MAST4: variants seen among roughly 807,000 people sequenced by gnomAD.
MAST4 encodes microtubule-associated serine/threonine-protein kinase 4.
A neutral mutation model predicts 162.7 loss-of-function variants in MAST4; 89 were observed. The observed-to-expected ratio is 0.55, with a 90% confidence interval of 0.46 to 0.65. The LOEUF is 0.65. MAST4 is among the 30% of genes least tolerant of loss of function. The probability of loss-of-function intolerance (pLI) is 0.00; values close to 1 mark genes in which losing one functional copy is unlikely to be tolerated. For synonymous variants in MAST4, 1,479 were observed against 1,361.1 expected (o/e 1.09, Z -1.91); for missense variants, 3,153 against 3,374.0 (o/e 0.93, Z 1.62).
intron 4 of MAST4, chr5:66,959,283 G>C (rs1267038799): frequency 6.4e-6 from 5 of 779,614 alleles, no homozygotes; most frequent in Non-Finnish European, 1.2e-5. Context: ...AGATTCCGGG[G>C]CTGACCTTGG....
chr5:66,996,318 G>A (rs144134403), intron 4 of MAST4, among the ~76,000 whole-genome samples: 1 of 151,926 alleles, frequency 6.6e-6, no homozygotes, highest in East Asian at 1.9e-4. Context: ...GATTTCCATC[G>A]TTTTTATTCG....
intron 4 of MAST4, among the ~76,000 whole-genome samples, chr5:66,996,613 G>A (rs568709726): frequency 1.3e-5 from 2 of 152,288 alleles, no homozygotes; most frequent in East Asian, 3.9e-4. Context: ...GCGCTGAGGT[G>A]GAATCTGTTT....
At chr5:66,714,167 C>A (rs1159117729) in intron 1 of MAST4, among the ~76,000 whole-genome samples, 1 of 152,124 alleles carries the variant, frequency 6.6e-6, no homozygotes, top group Non-Finnish European at 1.5e-5. Context: ...GATGACTCAC[C>A]CAAGCTGCTG....
intron 3 of MAST4, among the ~76,000 whole-genome samples, chr5:66,895,310 A>G (rs748574309): frequency 7.2e-5 from 11 of 152,122 alleles, no homozygotes; most frequent in Non-Finnish European, 1.0e-4. Context: ...TGGCTTTGTA[A>G]CCAGGTGTAT....
At chr5:67,085,808 A>C (rs776777607) in intron 5 of MAST4, among the ~76,000 whole-genome samples, 1 of 152,184 alleles carries the variant, frequency 6.6e-6, no homozygotes, top group African/African-American at 2.4e-5. Flanking sequence ...TGTCTAAATG[A>C]AAGGGAGATT....
rs75496078 is a variant in MAST4, at chr5:66,972,101, A to G, written c.674+72119A>G. ...CTAGGCAATGTATGTGAAATGTTCC[A>G]AGAAGAGTGTTCTGTTTTGTTATTA... On this transcript the variant is annotated intron_variant, in intron 4 of 28. Transcript: ENST00000403625. 8.4e-3 allele frequency among the ~76,000 whole-genome samples: 1,273 copies of G among 152,348 alleles called. 16 individuals are homozygous for G. Among genetic ancestry groups the G allele is most frequent in the African/African-American group, 0.029 (1,214 of 41,578 alleles).
At chr5:66,762,531 A>C (rs1753900360) in intron 2 of MAST4, among the ~76,000 whole-genome samples, 1 of 152,162 alleles carries the variant, frequency 6.6e-6, no homozygotes, top group Non-Finnish European at 1.5e-5. Context: ...GGTGTTAGGC[A>C]CTGTGTTCAT....
chr5:66,919,973 C>CTTCT (rs1764421873), intron 4 of MAST4, among the ~76,000 whole-genome samples: 1 of 63,406 alleles, frequency 1.6e-5, no homozygotes, highest in South Asian at 7.2e-4. Context: ...TCCTTCCTTC[C>CTTCT]TTCTTTCTCT....
chr5:66,754,847 G>A (rs983565976), intron 1 of MAST4, among the ~76,000 whole-genome samples: 13 of 152,314 alleles, frequency 8.5e-5, no homozygotes, highest in African/African-American at 2.6e-4. Context: ...CCCAGGAAGA[G>A]TGACATTTGA....
rs1412861350 is a variant in MAST4, at chr5:66,753,417, GAAAA to G, written c.364-6288_364-6285del. On this transcript the variant is annotated intron_variant, in intron 1 of 28. Coordinates refer to ENST00000403625, the MANE Select transcript of MAST4 (RefSeq NM_001164664.2). ...ATAGACCGCTAGCAAGACTAATAAAGAAAAAAAGAGAGAAGAATCAAATAGACGC... is the reference window on the plus strand; with the variant it reads ...ATAGACCGCTAGCAAGACTAATAAAGAAAGAGAGAAGAATCAAATAGACGC... Among the ~76,000 whole-genome samples, 3 of 150,244 alleles carry G rather than the reference GAAAA, an allele frequency of 2.0e-5. No homozygotes were observed. In the East Asian group the frequency reaches 5.8e-4, roughly 29 times the overall value.
intron 19 of MAST4, 45 bp from the exon 20 acceptor site, chr5:67,142,070 G>A: frequency 4.4e-6 from 7 of 1,586,542 alleles, no homozygotes; most frequent in Non-Finnish European, 6.0e-6. Context: ...GCTTAGTGGG[G>A]ATAGTTTAAC....
At chr5:66,919,131 C>CACACACACACAG (rs1393753464) in intron 4 of MAST4, among the ~76,000 whole-genome samples, 3 of 149,560 alleles carry the variant, frequency 2.0e-5, no homozygotes, top group African/African-American at 7.4e-5. Flanking sequence ...CACACACACA[C>CACACACACACAG]ACACACAAAT....
intron 4 of MAST4, among the ~76,000 whole-genome samples, chr5:67,052,033 A>T (rs1377657785): frequency 6.6e-6 from 1 of 152,184 alleles, no homozygotes; most frequent in Non-Finnish European, 1.5e-5. Context: ...TGCTTTGATT[A>T]TTCATGGCAT....
chr5:67,038,839 C>T (rs1756365625), intron 4 of MAST4, among the ~76,000 whole-genome samples: 1 of 152,110 alleles, frequency 6.6e-6, no homozygotes, highest in African/African-American at 2.4e-5. Context: ...TGGTTTTGCT[C>T]CTTACCATAT....
At chr5:67,151,048 A>T (rs776324576) in intron 24 of MAST4, among the ~76,000 whole-genome samples, 9 of 152,186 alleles carry the variant, frequency 5.9e-5, no homozygotes, top group Non-Finnish European at 1.3e-4. Context: ...AACCGAGCTC[A>T]TGTTTAAACC....
rs368597285 is a variant in MAST4 at position 67,145,365 on chromosome 5, G to T, written c.3080G>T (p.Ser1027Ile). The change falls in exon 23 of 29, where the codon AGC becomes ATC. Residue 1027 changes from serine to isoleucine, a missense_variant. Physicochemically the swap from Ser to Ile is moderately radical, Grantham distance 142. This residue lies in a region of MAST4 where 619 missense variants were observed against 744.2 expected (regional missense o/e 0.83). Transcript: ENST00000403625. Reference protein sequence around the residue: ...EVTTPASTISSSTLSVGSFSE... With the variant: ...EVTTPASTISISTLSVGSFSE... ...ACCACCCCAGCCAGCACCATCAGCA[G>T]CTCCACCCTGTCAGGTAAGCCCCGG... 2 of 1,612,810 alleles carry T rather than the reference G, an allele frequency of 1.2e-6. No individual in the cohort carries two copies. The highest frequency in any genetic ancestry group is 1.7e-6 in the Non-Finnish European group (2 of 1,179,832).
intron 3 of MAST4, among the ~76,000 whole-genome samples, chr5:66,822,731 G>C (rs1757055783): frequency 6.6e-6 from 1 of 152,144 alleles, no homozygotes; most frequent in South Asian, 2.1e-4. Flanking sequence ...CTGGTGTTCT[G>C]ACCATTGACA....
intron 4 of MAST4, chr5:66,930,625 C>T: frequency 2.3e-6 from 1 of 437,198 alleles, no homozygotes; most frequent in Admixed American, 2.7e-5. Context: ...TTTTATGTCT[C>T]AAGGAATAAA....
At chr5:66,954,447 A>AT (rs1353201992) in intron 4 of MAST4, among the ~76,000 whole-genome samples, 4 of 152,164 alleles carry the variant, frequency 2.6e-5, no homozygotes, top group African/African-American at 9.7e-5. Context: ...TCATTCATTC[A>AT]TTTTCAGCAC....
Sources: allele counts gnomAD v4.1 joint callset (sites outside exome capture counted in the v4.1 genomes callset), GRCh38; gene constraint gnomAD v4.1.1; regional missense constraint gnomAD v4.1.1; transcripts MANE v1.5; gene names NCBI Gene and HGNC (gene_info 2026-07-23, HGNC 2026-07-21).